The following ZNF322 variants were observed in gnomAD, a reference collection of about 807,000 sequenced individuals.
ZNF322 encodes the protein zinc finger protein 322.
Under a neutral mutation model 18.3 loss-of-function variants are expected in ZNF322, and 1 was observed. The observed-to-expected ratio is 0.05, with a 90% CI of 0.02 to 0.26. The LOEUF (loss-of-function observed/expected upper bound fraction) is 0.26. ZNF322 is among the 10% of genes least tolerant of loss of function. The pLI, the probability that ZNF322 is intolerant of heterozygous loss-of-function variation, is 1.00. For synonymous variants in ZNF322, 17 were observed against 130.7 expected (o/e 0.13, Z 5.93); for missense variants, 36 against 403.6 (o/e 0.09, Z 7.80).
chr6:26,656,345 A>C (rs567718009), intron 2 of ZNF322, among the ~76,000 whole-genome samples: 1 of 152,314 alleles, frequency 6.6e-6, no homozygotes, highest in Non-Finnish European at 1.5e-5. Context: ...GCCGGTACTA[A>C]GCTCAATGCC....
At position 26,636,289 on chromosome 6, in the gene ZNF322, A is replaced by T. The variant is rs1221701152; in HGVS notation, c.*1056T>A. 7.0e-6 allele frequency: 1 copy of T among 142,538 alleles called. No individual in the cohort carries two copies. The highest frequency in any genetic ancestry group is 1.5e-5 in the Non-Finnish European group (1 of 65,540). The allele number at this position is 142,538 out of a possible 1,614,324, so 8.8% of individuals were successfully genotyped here. ...AGTAACACATGCCACACCTTCTATCATAAGGTTACCGTCCTTTCCTTTATT... is the reference window on the plus strand; with the variant it reads ...AGTAACACATGCCACACCTTCTATCTTAAGGTTACCGTCCTTTCCTTTATT... On this transcript the variant is annotated 3_prime_UTR_variant, in exon 4 of 4. Transcript: ENST00000415922.
At chr6:26,656,976 T>C (rs2451714) in intron 2 of ZNF322, among the ~76,000 whole-genome samples, 105,540 of 152,108 alleles carry the variant, frequency 0.69, 37,651 homozygotes, top group African/African-American at 0.84. Flanking sequence ...AGGCCGGGCG[T>C]GGTGGCTCAT....
At chr6:26,657,014 C>T (rs1267529333) in intron 2 of ZNF322, among the ~76,000 whole-genome samples, 3 of 152,122 alleles carry the variant, frequency 2.0e-5, no homozygotes, top group South Asian at 2.1e-4. Context: ...TTCGGGAAGC[C>T]GAGGCTGGCG....
intron 2 of ZNF322, among the ~76,000 whole-genome samples, chr6:26,647,782 A>G (rs1203010530): frequency 6.6e-6 from 1 of 152,218 alleles, no homozygotes; most frequent in Non-Finnish European, 1.5e-5. Flanking sequence ...ACCGAAAATG[A>G]AGCACAACTT....
chr6:26,652,706 A>T (rs879984761), intron 2 of ZNF322, among the ~76,000 whole-genome samples: 27 of 152,060 alleles, frequency 1.8e-4, no homozygotes, highest in Non-Finnish European at 3.7e-4. Flanking sequence ...AAAAAAAAAA[A>T]TTGTAGATAC....
chr6:26,650,100 T>C (rs1221670295), intron 2 of ZNF322, among the ~76,000 whole-genome samples: 1 of 152,060 alleles, frequency 6.6e-6, no homozygotes, highest in African/African-American at 2.4e-5. Context: ...AGGGACAATA[T>C]ACCTAATATA....
intron 2 of ZNF322, among the ~76,000 whole-genome samples, chr6:26,657,212 T>C (rs1554149785): frequency 6.6e-6 from 1 of 150,932 alleles, no homozygotes; most frequent in African/African-American, 2.4e-5. Flanking sequence ...ATTGTGCCAC[T>C]GCACTCCAGC....
intron 2 of ZNF322, among the ~76,000 whole-genome samples, chr6:26,657,908 C>G (rs1230423835): frequency 1.3e-5 from 2 of 151,746 alleles, no homozygotes; most frequent in Admixed American, 1.3e-4. Context: ...TGCCTAGGGT[C>G]GAAGTGAAAG....
rs191370787 is a variant in ZNF322, at chr6:26,650,968, T to C, written c.-245-7240A>G. On this transcript the variant is annotated intron_variant, in intron 2 of 3. Transcript: ENST00000415922. Reference sequence around the variant, plus strand: ...GGTAAAAGACCTAGATTAGCGATCATAATGCTGAAGGGCAGGAACAAAGTT... The same window carrying C: ...GGTAAAAGACCTAGATTAGCGATCACAATGCTGAAGGGCAGGAACAAAGTT... Among the ~76,000 whole-genome samples, 918 of 152,286 alleles carry C rather than the reference T, an allele frequency of 6.0e-3. 6 individuals are homozygous for C. Among genetic ancestry groups the C allele is most frequent in the African/African-American group, 0.017 (694 of 41,562 alleles).
intron 2 of ZNF322, among the ~76,000 whole-genome samples, chr6:26,649,637 A>ATATGTGTGTG (rs1561924633): frequency 5.9e-5 from 4 of 67,618 alleles, no homozygotes; most frequent in East Asian, 5.0e-4. Context: ...ATACATACAT[A>ATATGTGTGTG]TGTGTGTGTG....
chr6:26,639,628 T>C (rs892027785), intron 3 of ZNF322, among the ~76,000 whole-genome samples: 18 of 152,088 alleles, frequency 1.2e-4, no homozygotes, highest in African/African-American at 4.1e-4. Context: ...ATTTATCAAT[T>C]ACCAAAAATA....
chr6:26,641,535 A>G (rs1166070270), intron 3 of ZNF322, among the ~76,000 whole-genome samples: 2 of 152,204 alleles, frequency 1.3e-5, no homozygotes, highest in Non-Finnish European at 2.9e-5. Flanking sequence ...TCTATGTAGA[A>G]AAAGGAAGAC....
chr6:26,649,688 TATATATATATATA>T (rs1561924912), intron 2 of ZNF322, among the ~76,000 whole-genome samples: 181 of 85,328 alleles, frequency 2.1e-3, no homozygotes, highest in Non-Finnish European at 3.1e-3. Context: ...TATATATATA[TATATATATATATA>T]TTTTTTTTTT....
At chr6:26,643,869 ATTCTGTAGAGTCTTAAATC>A (rs1554148507) in intron 2 of ZNF322, 141 bp from the exon 3 acceptor site, 1 of 152,264 alleles carries the variant, frequency 6.6e-6, no homozygotes, top group East Asian at 1.9e-4. Flanking sequence ...CTTAAATTCA[ATTCTGTAGAGTCTTAAATC>A]ATCCCATATG....
At chr6:26,647,269 T>C (rs1455374542) in intron 2 of ZNF322, among the ~76,000 whole-genome samples, 4 of 152,212 alleles carry the variant, frequency 2.6e-5, no homozygotes, top group Non-Finnish European at 5.9e-5. Context: ...ATCCTGTCTC[T>C]ATTTTGTTTT....
chr6:26,656,906 T>G (rs782148500), intron 2 of ZNF322, among the ~76,000 whole-genome samples: 1 of 152,122 alleles, frequency 6.6e-6, no homozygotes, highest in Non-Finnish European at 1.5e-5. Context: ...TATCCAAGCT[T>G]TTTTTAGATG....
intron 2 of ZNF322, among the ~76,000 whole-genome samples, chr6:26,645,376 A>T (rs1765538320): frequency 6.6e-6 from 1 of 151,972 alleles, no homozygotes. Flanking sequence ...AGGTAAAGAG[A>T]AGAGAGCTAG....
At chr6:26,652,436 C>T (rs1478817429) in intron 2 of ZNF322, among the ~76,000 whole-genome samples, 1 of 152,202 alleles carries the variant, frequency 6.6e-6, no homozygotes, top group Non-Finnish European at 1.5e-5. Context: ...TGCCTGCAAT[C>T]CCAGCACTTT....
At chr6:26,648,430 C>A (rs2113667588) in intron 2 of ZNF322, among the ~76,000 whole-genome samples, 1 of 152,282 alleles carries the variant, frequency 6.6e-6, no homozygotes, top group Non-Finnish European at 1.5e-5. Context: ...TCTTTTCAAT[C>A]ACTGACCTGG....
Sources: gnomAD v4.1 joint callset for allele counts (sites outside exome capture counted in the v4.1 genomes callset) on GRCh38, gnomAD v4.1.1 for gene constraint, MANE v1.5 for transcripts, NCBI Gene and HGNC (gene_info 2026-07-23, HGNC 2026-07-21) for gene names.